The following OPHN1 variants were observed in gnomAD, a reference collection of about 807,000 sequenced individuals.
OPHN1 encodes oligophrenin-1.
OPHN1 carries 11 observed loss-of-function variants against 60.7 expected under a neutral mutation model. The observed-to-expected ratio is 0.18, with a 90% CI of 0.11 to 0.30. OPHN1 has a LOEUF of 0.30. Among genes scored for constraint, OPHN1 ranks in the 10% least tolerant of loss-of-function variants. The pLI is 1.00. For missense variants in OPHN1, 449 were observed against 611.0 expected (o/e 0.73, Z 2.80); for synonymous variants, 226 against 222.6 (o/e 1.02, Z -0.14).
Position 68,316,095 on chromosome X carries a change from C to T in OPHN1, c.155-16999G>A, listed in dbSNP as rs746340152. ...TTAATAGGGATACAGAGGGGCATTA[C>T]ATAATGTTAAAAGTGCCAATCCACC... On this transcript the variant is annotated intron_variant, in intron 2 of 24. Transcript: ENST00000355520. Among the ~76,000 whole-genome samples, 5 of 111,067 alleles carry T rather than the reference C, an allele frequency of 4.5e-5. No homozygotes were observed. The South Asian group carries it at 1.5e-3, about 34-fold the overall frequency.
intron 15 of OPHN1, among the ~76,000 whole-genome samples, chrX:68,170,772 G>T (rs1182464463): frequency 2.4e-5 from 2 of 81,837 alleles, no homozygotes; most frequent in Non-Finnish European, 4.6e-5. Flanking sequence ...TCACACTCTG[G>T]GGACTGTTGT....
intron 20 of OPHN1, chrX:68,070,622 GT>G (rs2076930029): frequency 4.2e-6 from 3 of 711,886 alleles, no homozygotes; most frequent in Middle Eastern, 3.2e-4. Flanking sequence ...TATCCTCTGT[GT>G]TCCATTTGGC....
chrX:68,134,378 A>G (rs1209798990), intron 15 of OPHN1, among the ~76,000 whole-genome samples: 1 of 111,398 alleles, frequency 9.0e-6, no homozygotes, highest in Non-Finnish European at 1.9e-5. Context: ...ATGATAATAC[A>G]GCAAAGGTCT....
chrX:68,403,373 C>T (rs1476380487), intron 2 of OPHN1, among the ~76,000 whole-genome samples: 2 of 111,722 alleles, frequency 1.8e-5, no homozygotes, highest in Non-Finnish European at 3.8e-5. Flanking sequence ...AGTTTAAACT[C>T]AGAGAGGAGA....
intron 2 of OPHN1, among the ~76,000 whole-genome samples, chrX:68,378,175 C>T (rs1350624990): frequency 5.6e-4 from 63 of 111,982 alleles, no homozygotes; most frequent in African/African-American, 1.5e-3. Flanking sequence ...ATTTCTCTGA[C>T]GGCCAGTGAT....
chrX:68,061,779 G>A (rs1268407200), intron 21 of OPHN1, among the ~76,000 whole-genome samples: 1 of 111,649 alleles, frequency 9.0e-6, no homozygotes, highest in Non-Finnish European at 1.9e-5. Context: ...ATCAGCATCA[G>A]TGGATCAAAC....
At chrX:68,184,546 G>A (rs2077453472) in intron 15 of OPHN1, among the ~76,000 whole-genome samples, 2 of 110,754 alleles carry the variant, frequency 1.8e-5, no homozygotes, top group South Asian at 3.8e-4. Flanking sequence ...AAAAAGGAAG[G>A]GGTGGGAAGA....
chrX:68,092,933 A>G (rs976824733), intron 19 of OPHN1, among the ~76,000 whole-genome samples: 4 of 111,455 alleles, frequency 3.6e-5, no homozygotes, highest in Admixed American at 9.6e-5. Flanking sequence ...GATGCAATGA[A>G]TCATCATATA....
intron 2 of OPHN1, among the ~76,000 whole-genome samples, chrX:68,314,901 G>T (rs1452472847): frequency 2.8e-5 from 3 of 107,637 alleles, no homozygotes; most frequent in Non-Finnish European, 5.7e-5. Context: ...CAGGAGAACC[G>T]CTTGAACCCA....
chrX:68,336,735 T>A (rs1245577897), intron 2 of OPHN1, among the ~76,000 whole-genome samples: 2 of 109,074 alleles, frequency 1.8e-5, no homozygotes, highest in African/African-American at 6.7e-5. Context: ...TATTTTCCAA[T>A]ATGATCACAG....
In OPHN1 at chrX:68,370,501, C is replaced by T. The variant is rs188807310; in HGVS notation, c.154+62366G>A. ...AAGCCTGGGCAATGGAGTGAGACTC[C>T]GTCTCAAAAAAAAAAAAAAAAGAGA... On this transcript the variant is annotated intron_variant, in intron 2 of 24. Coordinates refer to ENST00000355520, the MANE Select transcript of OPHN1 (RefSeq NM_002547.3). Among the ~76,000 whole-genome samples the T allele has an allele frequency of 3.0e-3, 307 of 101,119 alleles. 1 individual carries two copies. Among genetic ancestry groups the T allele is most frequent in the African/African-American group, 0.01 (284 of 27,343 alleles). The allele number at this position is 101,119 out of a possible 115,157, so 87.8% of individuals were successfully genotyped here. A position where few individuals can be genotyped will look rare whatever the true frequency, so the allele number is the denominator to read the frequency against.
chrX:68,241,971 T>C (rs1314130925), intron 5 of OPHN1, among the ~76,000 whole-genome samples: 2 of 110,539 alleles, frequency 1.8e-5, no homozygotes, highest in Non-Finnish European at 3.8e-5. Flanking sequence ...AAAACTTGAA[T>C]AGACATATGG....
At chrX:68,146,706 G>C in intron 15 of OPHN1, among the ~76,000 whole-genome samples, 1 of 112,448 alleles carries the variant, frequency 8.9e-6, no homozygotes, top group Non-Finnish European at 1.9e-5. Flanking sequence ...TGGGATTAAT[G>C]TATTTGCCAT....
chrX:68,053,802 C>T lies in OPHN1; in HGVS notation c.2167G>A (p.Asp723Asn). ...GGAGGCCGCACTTTGCTGAAACTGTCAGCATCCCCTGGAAGAGAAAATGAT... is the reference window on the plus strand; with the variant it reads ...GGAGGCCGCACTTTGCTGAAACTGTTAGCATCCCCTGGAAGAGAAAATGAT... ...PLAHHKEGDA[D>N]SFSKVRPPGE... Residue 723 changes from aspartate (D) to asparagine (N), a missense_variant, in exon 22 of 25, where the codon GAC becomes AAC. Transcript: ENST00000355520. The T allele has an allele frequency of 1.7e-6, 2 of 1,209,700 alleles. No individual in the cohort carries two copies. Among genetic ancestry groups the T allele is most frequent in the Non-Finnish European group, 2.2e-6 (2 of 894,876 alleles).
intron 2 of OPHN1, among the ~76,000 whole-genome samples, chrX:68,300,852 A>C (rs2078116332): frequency 8.9e-6 from 1 of 112,550 alleles, no homozygotes; most frequent in Non-Finnish European, 1.9e-5. Context: ...ATTATCTCAA[A>C]ATTTCAGAAA....
chrX:68,292,025 C>T (rs1272541036), intron 3 of OPHN1, among the ~76,000 whole-genome samples: 1 of 111,656 alleles, frequency 9.0e-6, no homozygotes, highest in Non-Finnish European at 1.9e-5. Flanking sequence ...AAATTGAATG[C>T]TATACAGGAA....
intron 5 of OPHN1, 112 bp from the exon 6 acceptor site, chrX:68,234,700 CTCCTGG>C: frequency 1.7e-6 from 1 of 594,504 alleles, no homozygotes; most frequent in Admixed American, 2.8e-5. Context: ...ATCCCTCTAG[CTCCTGG>C]AAGGAAAAAA....
At chrX:68,405,212 CTGTT>C (rs199952043) in intron 2 of OPHN1, among the ~76,000 whole-genome samples, 54 of 111,983 alleles carry the variant, frequency 4.8e-4, no homozygotes, top group African/African-American at 1.4e-3. Flanking sequence ...TCATTACAGT[CTGTT>C]TGTTTGTTTG....
At chrX:68,082,790 G>A (rs1468077749) in intron 19 of OPHN1, among the ~76,000 whole-genome samples, 1 of 111,932 alleles carries the variant, frequency 8.9e-6, no homozygotes, top group Non-Finnish European at 1.9e-5. Flanking sequence ...AAAAGAGTCA[G>A]CCTGTCCTGT....
Sources: allele counts gnomAD v4.1 joint callset (sites outside exome capture counted in the v4.1 genomes callset), GRCh38; gene constraint gnomAD v4.1.1; transcripts MANE v1.5; gene names NCBI Gene and HGNC (gene_info 2026-07-23, HGNC 2026-07-21).